GARNL3: variants seen among roughly 807,000 people sequenced by gnomAD.
GARNL3 encodes GTPase-activating Rap/Ran-GAP domain-like protein 3.
In GARNL3, 63 loss-of-function variants were observed where a neutral mutation model predicts 125.0. The observed-to-expected ratio is 0.50, with a 90% confidence interval of 0.41 to 0.62. The LOEUF (loss-of-function observed/expected upper bound fraction) is 0.62. GARNL3 is among the 20% of genes least tolerant of loss of function. The probability of loss-of-function intolerance (pLI) is 0.00; values close to 1 mark genes in which losing one functional copy is unlikely to be tolerated. For synonymous variants in GARNL3, 439 were observed against 457.5 expected (o/e 0.96, Z 0.52); for missense variants, 994 against 1,244.0 (o/e 0.80, Z 3.02).
Position 127,388,999 on chromosome 9 carries a change from G to T in GARNL3, c.2623G>T (p.Val875Phe). 2 of 1,613,786 alleles carry T rather than the reference G, an allele frequency of 1.2e-6. No individual in the cohort carries two copies. The highest frequency in any genetic ancestry group is 1.7e-4 in the Middle Eastern group (1 of 6,060). Residue 875 changes from valine to phenylalanine, a missense_variant, in exon 26 of 28, where the codon GTC (valine) becomes TTC (phenylalanine). Coordinates refer to ENST00000373387, the MANE Select transcript of GARNL3 (RefSeq NM_032293.5). ...TCTGAAGTCACCCTTAGTCTCCAAG[G>T]TCATCACCCCACCCACTCCCATCAG... ...RPLKSPLVSK[V>F]ITPPTPISVG...
intron 21 of GARNL3, chr9:127,363,096 C>T (rs1013482284): frequency 6.6e-6 from 1 of 152,518 alleles, no homozygotes; most frequent in African/African-American, 2.4e-5. Context: ...CGTCATGAGC[C>T]TTAGATCTCA....
intron 1 of GARNL3, among the ~76,000 whole-genome samples, chr9:127,287,093 C>G (rs1192592229): frequency 6.6e-6 from 1 of 152,120 alleles, no homozygotes; most frequent in Non-Finnish European, 1.5e-5. Flanking sequence ...CATATATGTA[C>G]CCAGGTGAGC....
chr9:127,386,274 A>T (rs528416035), intron 24 of GARNL3, among the ~76,000 whole-genome samples: 34 of 152,326 alleles, frequency 2.2e-4, no homozygotes, highest in Admixed American at 1.6e-3. Flanking sequence ...TAGTCATTAA[A>T]CTGAAACTTC....
At chr9:127,249,043 G>A (rs1278864830) in intron 2 of GARNL3, among the ~76,000 whole-genome samples, 2 of 152,136 alleles carry the variant, frequency 1.3e-5, no homozygotes, top group Non-Finnish European at 2.9e-5. Flanking sequence ...TTTTTGGGCT[G>A]GGGCTGGGTT....
chr9:127,271,752 C>T (rs1209826511), intron 1 of GARNL3, among the ~76,000 whole-genome samples: 2 of 150,212 alleles, frequency 1.3e-5, no homozygotes, highest in Non-Finnish European at 1.5e-5. Flanking sequence ...CCTCTCCCCT[C>T]CCCAGCCCAG....
At chr9:127,314,207 C>T (rs1050541340) in intron 4 of GARNL3, among the ~76,000 whole-genome samples, 12 of 152,210 alleles carry the variant, frequency 7.9e-5, no homozygotes, top group African/African-American at 1.7e-4. Flanking sequence ...GGGGCACATC[C>T]GCTATGAGCT....
intron 24 of GARNL3, 102 bp from the exon 25 acceptor site, chr9:127,387,091 G>A: frequency 7.9e-7 from 1 of 1,258,144 alleles, no homozygotes; most frequent in Non-Finnish European, 1.1e-6. Flanking sequence ...TATGCTCCAA[G>A]GATGGGGACC....
chr9:127,343,028 G>A lies in GARNL3; in HGVS notation c.1251+694G>A, dbSNP rs372490793. 2.4e-4 allele frequency among the ~76,000 whole-genome samples: 37 copies of A among 151,268 alleles called. No homozygotes were observed. The East Asian group carries it at 6.2e-3, about 26-fold the overall frequency. ...TTCTCCTACCTCAGCCTCCCAAGTA[G>A]CTGGGGTTATAGGCATACACCACTG... On this transcript the variant is annotated intron_variant, in intron 14 of 27. Transcript: ENST00000373387.
At chr9:127,231,819 G>A (rs1159355048) in intron 1 of GARNL3, among the ~76,000 whole-genome samples, 1 of 152,200 alleles carries the variant, frequency 6.6e-6, no homozygotes, top group African/African-American at 2.4e-5. Flanking sequence ...GATAGGAGGA[G>A]GGCTTCTTAA....
At chr9:127,299,052 C>T (rs912890570) in intron 2 of GARNL3, among the ~76,000 whole-genome samples, 13 of 152,186 alleles carry the variant, frequency 8.5e-5, no homozygotes, top group Non-Finnish European at 1.6e-4. Context: ...CACGGTGGCT[C>T]ACGCCTATAA....
chr9:127,338,039 C>A, intron 11 of GARNL3, 77 bp from the exon 12 acceptor site: 1 of 1,079,876 alleles, frequency 9.3e-7, no homozygotes, highest in Non-Finnish European at 1.4e-6. Context: ...AATGACTCTG[C>A]ACAAGGGATT....
chr9:127,284,720 T>C (rs1194013919), intron 1 of GARNL3, among the ~76,000 whole-genome samples: 51 of 151,840 alleles, frequency 3.4e-4, no homozygotes. Flanking sequence ...TATCTAATTT[T>C]ACTATTCCTA....
intron 1 of GARNL3, among the ~76,000 whole-genome samples, chr9:127,287,409 A>G (rs2064282200): frequency 1.3e-5 from 2 of 152,242 alleles, no homozygotes; most frequent in South Asian, 2.1e-4. Context: ...AGGACAATAG[A>G]AAGAAAATGG....
chr9:127,325,414 A>T (rs1305879661), intron 7 of GARNL3, among the ~76,000 whole-genome samples: 1 of 152,218 alleles, frequency 6.6e-6, no homozygotes, highest in African/African-American at 2.4e-5. Flanking sequence ...GTGCTTTATT[A>T]GGATGCTCTT....
chr9:127,262,116 C>T (rs775304372), upstream of GARNL3, among the ~76,000 whole-genome samples: 4 of 152,200 alleles, frequency 2.6e-5, no homozygotes, highest in Non-Finnish European at 4.4e-5. Context: ...CATTTCCTCA[C>T]TGGCTGCTGC....
rs146550189 is a variant in GARNL3, at chr9:127,239,733, G to T, written c.-28-3346G>T. 4.4e-3 allele frequency among the ~76,000 whole-genome samples: 671 copies of T among 152,128 alleles called. 2 individuals carry two copies. The highest frequency in any genetic ancestry group is 7.6e-3 in the Non-Finnish European group (517 of 67,996). ...CATATTTTTTAAAATTAGAAAGTTAGGACTAGAAAAGATAAAAGAAATGAG... is the reference window on the plus strand; with the variant it reads ...CATATTTTTTAAAATTAGAAAGTTATGACTAGAAAAGATAAAAGAAATGAG... On this transcript the variant is annotated intron_variant, in intron 1 of 10. Coordinates refer to the GARNL3 transcript ENST00000439286.
chr9:127,349,160 T>C (rs1207856104), intron 17 of GARNL3, 125 bp downstream of exon 17: 1 of 696,604 alleles, frequency 1.4e-6, no homozygotes, highest in Non-Finnish European at 2.6e-6. Context: ...TTAGCGAAGT[T>C]TTATTTCCTT....
intron 2 of GARNL3, among the ~76,000 whole-genome samples, chr9:127,296,056 C>A (rs1252425570): frequency 1.3e-5 from 2 of 152,212 alleles, no homozygotes; most frequent in African/African-American, 4.8e-5. Context: ...GAGCACACAA[C>A]CTAGATCCCT....
intron 2 of GARNL3, among the ~76,000 whole-genome samples, chr9:127,295,811 A>C (rs373732539): frequency 2.0e-5 from 3 of 152,114 alleles, no homozygotes; most frequent in African/African-American, 7.2e-5. Context: ...GTGGAAGACA[A>C]GTTTTTCCAC....
Sources: allele counts gnomAD v4.1 joint callset (sites outside exome capture counted in the v4.1 genomes callset), GRCh38; gene constraint gnomAD v4.1.1; transcripts MANE v1.5; gene names NCBI Gene and HGNC (gene_info 2026-07-23, HGNC 2026-07-21).